The following PRDM10 variants were observed in gnomAD, a reference collection of about 807,000 sequenced individuals.
PRDM10 encodes the protein PR domain zinc finger protein 10.
PRDM10 carries 65 observed loss-of-function variants against 133.1 expected under a neutral mutation model. The observed-to-expected ratio is 0.49, with a 90% CI of 0.40 to 0.60. The LOEUF is 0.60. Among genes scored for constraint, PRDM10 ranks in the 20% least tolerant of loss-of-function variants. The probability of loss-of-function intolerance (pLI) is 0.00; values close to 1 mark genes in which losing one functional copy is unlikely to be tolerated. For synonymous variants in PRDM10, 582 were observed against 580.4 expected (o/e 1.00, Z -0.04); for missense variants, 1,137 against 1,507.1 (o/e 0.75, Z 4.07).
rs1951460745 is a variant in PRDM10, at chr11:129,947,538, G to A, written c.295-168C>T. On this transcript the variant is annotated intron_variant, in intron 4 of 20. Transcript: ENST00000360871. This position sits in a 1 kb window ranked among gnomAD's most constrained non-coding sequence, Gnocchi z 4.6. ...TTCCATCTACCGGCTGTGAGGAAGA[G>A]CTGGCTTCATTTTTGATCTGACTGC... is the stretch of plus-strand genomic sequence containing the variant. 1.4e-6 allele frequency: 2 copies of A among 1,477,510 alleles called. No homozygotes were observed. Among genetic ancestry groups the A allele is most frequent in the Non-Finnish European group, 1.8e-6 (2 of 1,118,424 alleles). The allele number at this position is 1,477,510 out of a possible 1,614,324, so 91.5% of individuals were successfully genotyped here.
At chr11:129,914,592 C>T (rs957286564) in intron 17 of PRDM10, 112 bp downstream of exon 17, 1 of 1,451,870 alleles carries the variant, frequency 6.9e-7, no homozygotes, top group African/African-American at 1.4e-5. Context: ...GCCCAAGGCT[C>T]AGAACTTCCA....
intron 1 of PRDM10, among the ~76,000 whole-genome samples, chr11:129,966,343 G>A (rs1427490652): frequency 6.6e-6 from 1 of 152,172 alleles, no homozygotes; most frequent in East Asian, 1.9e-4. Flanking sequence ...AGTCTACAAA[G>A]TACGTTCCCC....
intron 1 of PRDM10, among the ~76,000 whole-genome samples, chr11:129,962,844 CA>C (rs1403348651): frequency 2.0e-5 from 3 of 151,922 alleles, no homozygotes; most frequent in African/African-American, 7.2e-5. Context: ...TTTAAAGAAA[CA>C]AAAGGTATTA....
chr11:129,940,693 T>A (rs1368248965), intron 7 of PRDM10, among the ~76,000 whole-genome samples: 3 of 152,238 alleles, frequency 2.0e-5, no homozygotes, highest in Non-Finnish European at 4.4e-5. Flanking sequence ...ATGCATTTGC[T>A]ATTTTCTGTT....
In PRDM10 at chr11:129,925,107, C is replaced by T; in HGVS notation, c.1653G>A (p.Glu551=). ...GATCACAGGTCAGTGGGCAGTTCCC[C>T]TCCCGCCCATGGAAGCGTAAGTGCT... ...LDQHLRFHGR[E]GNCPLTCDLC... is the part of the protein sequence containing the mutation. The change falls in exon 12 of 21, where the codon GAG becomes GAA. Residue 551 remains glutamate, a synonymous_variant. Coordinates refer to ENST00000360871, the MANE Select transcript of PRDM10 (RefSeq NM_199437.2). The T allele has an allele frequency of 1.2e-6, 2 of 1,614,222 alleles. No homozygotes were observed. The highest frequency in any genetic ancestry group is 8.5e-7 in the Non-Finnish European group (1 of 1,180,034).
At chr11:129,991,989 A>G (rs994052878) in intron 1 of PRDM10, among the ~76,000 whole-genome samples, 1 of 152,288 alleles carries the variant, frequency 6.6e-6, no homozygotes, top group Admixed American at 6.5e-5. Flanking sequence ...ATAAAAATAC[A>G]AAAATAAAAA....
intron 4 of PRDM10, among the ~76,000 whole-genome samples, chr11:129,953,393 A>G (rs1951628327): frequency 6.6e-6 from 1 of 152,036 alleles, no homozygotes; most frequent in Admixed American, 6.6e-5. Context: ...TCCCTGGTTC[A>G]AGCGATTCTC....
chr11:129,957,935 C>A, intron 2 of PRDM10, 25 bp from the exon 3 acceptor site: 1 of 1,592,482 alleles, frequency 6.3e-7, no homozygotes, highest in Non-Finnish European at 8.6e-7. Flanking sequence ...AGACAAAGAA[C>A]AAAATCAGTA....
chr11:129,944,946 G>C lies in PRDM10; in HGVS notation c.587C>G (p.Pro196Arg). ...GGCCCGGGTGAGCACCGGCCGGTTGGGGATCGGGTGCAAGGGGCCGTGCTT... is the reference window on the plus strand; with the variant it reads ...GGCCCGGGTGAGCACCGGCCGGTTGCGGATCGGGTGCAAGGGGCCGTGCTT... ...CPKHGPLHPI[P>R]NRPVLTRARA... Residue 196 changes from proline to arginine, a missense_variant, in exon 6 of 21, where the codon CCC (proline) becomes CGC (arginine). Physicochemically the swap from Pro to Arg is moderately radical, Grantham distance 103. Around this residue, in one of 6 missense-constraint regions of PRDM10, gnomAD observed 635 missense variants for 835.2 expected, o/e 0.76. Coordinates refer to ENST00000360871, the MANE Select transcript of PRDM10 (RefSeq NM_199437.2). 2.5e-6 allele frequency: 4 copies of C among 1,613,910 alleles called. No individual in the cohort carries two copies. The highest frequency in any genetic ancestry group is 3.4e-6 in the Non-Finnish European group (4 of 1,179,970).
chr11:129,970,185 GTT>G (rs1274485150), intron 1 of PRDM10, among the ~76,000 whole-genome samples: 2 of 152,196 alleles, frequency 1.3e-5, no homozygotes, highest in Non-Finnish European at 2.9e-5. Flanking sequence ...AACCAGGCAT[GTT>G]CCCTAAAAAG....
chr11:129,986,368 C>T (rs1429183279), intron 1 of PRDM10, among the ~76,000 whole-genome samples: 3 of 152,096 alleles, frequency 2.0e-5, no homozygotes, highest in African/African-American at 7.2e-5. Flanking sequence ...CCACCTCTAA[C>T]GCTGTTGTGT....
chr11:129,985,797 AAAAAAAAAAAAAAT>A (rs1938386962), intron 1 of PRDM10, among the ~76,000 whole-genome samples: 3 of 120,474 alleles, frequency 2.5e-5, no homozygotes, highest in Admixed American at 8.2e-5. Flanking sequence ...AAAAAAAAAA[AAAAAAAAAAAAAAT>A]ATATATATAT....
chr11:129,973,576 T>C (rs1937620435), intron 1 of PRDM10, among the ~76,000 whole-genome samples: 1 of 152,218 alleles, frequency 6.6e-6, no homozygotes, highest in Admixed American at 6.5e-5. Context: ...ATAATTAAAT[T>C]GAAATAAATT....
At chr11:129,938,161 T>G (rs1951094105) in intron 7 of PRDM10, among the ~76,000 whole-genome samples, 1 of 152,068 alleles carries the variant, frequency 6.6e-6, no homozygotes, top group Non-Finnish European at 1.5e-5. Flanking sequence ...TTGGTGTGGC[T>G]CAAAGCTTAG....
At chr11:129,916,499 G>A (rs745324140) in intron 15 of PRDM10, among the ~76,000 whole-genome samples, 13 of 152,152 alleles carry the variant, frequency 8.5e-5, no homozygotes, top group Non-Finnish European at 1.3e-4. Context: ...TTAGTTGGGC[G>A]TGGGGGCTGG....
At chr11:129,910,995 C>T (rs566230691) in intron 18 of PRDM10, among the ~76,000 whole-genome samples, 3 of 152,250 alleles carry the variant, frequency 2.0e-5, no homozygotes, top group East Asian at 1.9e-4. Flanking sequence ...AGGCTGGTCT[C>T]GAACTCCCGA....
At chr11:129,938,485 A>G (rs1951104253) in intron 7 of PRDM10, among the ~76,000 whole-genome samples, 1 of 152,146 alleles carries the variant, frequency 6.6e-6, no homozygotes. Context: ...GCCTTTAGCA[A>G]GGACTACCGC....
At chr11:129,933,852 C>T (rs1892906) in intron 9 of PRDM10, among the ~76,000 whole-genome samples, 70,624 of 152,008 alleles carry the variant, frequency 0.46, 18,489 homozygotes, top group African/African-American at 0.72. Context: ...CCCTGTCACC[C>T]TTGTAAGCCT....
intron 1 of PRDM10, among the ~76,000 whole-genome samples, chr11:129,963,494 AGTT>A (rs1951844943): frequency 6.6e-6 from 1 of 151,992 alleles, no homozygotes; most frequent in African/African-American, 2.4e-5. Flanking sequence ...TTTTTTTTAA[AGTT>A]GTTTATTTTG....
Sources: allele counts gnomAD v4.1 joint callset (sites outside exome capture counted in the v4.1 genomes callset), GRCh38; gene constraint gnomAD v4.1.1; regional missense constraint gnomAD v4.1.1; non-coding constraint Gnocchi (gnomAD v3.1); transcripts MANE v1.5; gene names NCBI Gene and HGNC (gene_info 2026-07-23, HGNC 2026-07-21).